ARL14EP: variants seen among roughly 807,000 people sequenced by gnomAD.
ARL14EP encodes the protein ARF like GTPase 14 effector protein, also known as ARL14 effector protein.
In ARL14EP, 12 loss-of-function variants were observed where a neutral mutation model predicts 23.1. That is an observed-to-expected ratio of 0.52 (90% CI 0.33 to 0.84). The LOEUF (loss-of-function observed/expected upper bound fraction) is 0.84, where lower values mean the gene tolerates loss of function less well. Among genes scored for constraint, ARL14EP ranks in the 40% least tolerant of loss-of-function variants. ARL14EP has a pLI of 0.02. For missense variants in ARL14EP, 253 were observed against 307.3 expected (o/e 0.82, Z 1.32); for synonymous variants, 97 against 102.0 (o/e 0.95, Z 0.29).
At chr11:30,326,688 G>A (rs1266614200) in intron 1 of ARL14EP, among the ~76,000 whole-genome samples, 2 of 152,182 alleles carry the variant, frequency 1.3e-5, no homozygotes, top group African/African-American at 4.8e-5. Flanking sequence ...CTTAGGATCA[G>A]TGTCTGAAAT....
Position 30,337,245 on chromosome 11 carries a change from A to G in ARL14EP, c.*450A>G, listed in dbSNP as rs1225211959. The G allele has an allele frequency of 5.1e-6, 1 of 197,262 alleles. No homozygotes were observed. The highest frequency in any genetic ancestry group is 1.0e-5 in the Non-Finnish European group (1 of 95,552). 12.2% of individuals were successfully genotyped at this position (197,262 alleles called of 1,614,324 possible). The stretch of plus-strand genomic sequence containing the variant: ...CTTCAGTCTACAAATCGCTATGTAA[A>G]TAACAGATATGCTTCATGATTGTGA... On this transcript the variant is annotated 3_prime_UTR_variant, in exon 4 of 4. Coordinates refer to ENST00000282032, the MANE Select transcript of ARL14EP (RefSeq NM_152316.3).
chr11:30,336,898 A>T lies in ARL14EP; in HGVS notation c.*103A>T, dbSNP rs1947337592. 9.8e-6 allele frequency: 11 copies of T among 1,125,014 alleles called. No homozygotes were observed. The highest frequency in any genetic ancestry group is 1.4e-5 in the Non-Finnish European group (11 of 764,908). 69.7% of individuals were successfully genotyped at this position (1,125,014 alleles called of 1,614,324 possible). A position where few individuals can be genotyped will look rare whatever the true frequency, so the allele number is the denominator to read the frequency against. ...GATTATCATATGACAAAGATTTTAA[A>T]ACCATCTCAGTGTGCCCTAATTTTT... On this transcript the variant is annotated 3_prime_UTR_variant, in exon 4 of 4. Transcript: ENST00000282032.
At chr11:30,332,310 A>G (rs1480873863) in intron 2 of ARL14EP, among the ~76,000 whole-genome samples, 2 of 151,008 alleles carry the variant, frequency 1.3e-5, no homozygotes, top group Admixed American at 1.3e-4. Flanking sequence ...GTGTCATTGT[A>G]GATGTCTTCA....
rs1312584677 is a variant in ARL14EP at position 30,331,373 on chromosome 11, A to G, written c.425A>G (p.Asp142Gly). 6.2e-7 allele frequency: 1 copy of G among 1,613,896 alleles called. No individual in the cohort carries two copies. Among genetic ancestry groups the G allele is most frequent in the East Asian group, 2.2e-5 (1 of 44,870 alleles). The change falls in exon 2 of 4, where the codon GAT becomes GGT. Residue 142 changes from aspartate to glycine, a missense_variant and splice_region_variant. By Grantham distance (94) the Asp-to-Gly change is moderately conservative. Transcript: ENST00000282032. Reference sequence around the variant, plus strand: ...CGCCAGAAAAGGAAACCTGAGTCAGATGTATGTGTAATAGTCATTTTTTTC... The same window carrying G: ...CGCCAGAAAAGGAAACCTGAGTCAGGTGTATGTGTAATAGTCATTTTTTTC... ...EDRQKRKPES[D>G]GRTAKALRSL... is the part of the protein sequence containing the mutation.
chr11:30,328,569 A>G (rs1319740671), intron 1 of ARL14EP: 1 of 152,222 alleles, frequency 6.6e-6, no homozygotes, highest in Non-Finnish European at 1.5e-5. Context: ...CCAGCTTTAA[A>G]ACTTTTTTCA....
intron 1 of ARL14EP, among the ~76,000 whole-genome samples, chr11:30,324,927 CTAAAG>C (rs1344357248): frequency 2.0e-5 from 3 of 152,124 alleles, no homozygotes; most frequent in Admixed American, 6.5e-5. Flanking sequence ...TATTTAGGCA[CTAAAG>C]TAAAGTGATG....
intron 3 of ARL14EP, among the ~76,000 whole-genome samples, chr11:30,334,586 A>G (rs959464561): frequency 1.3e-5 from 2 of 152,140 alleles, no homozygotes; most frequent in Admixed American, 6.5e-5. Context: ...CCTGGCTTCA[A>G]ATCTTCAAAG....
intron 2 of ARL14EP, chr11:30,331,669 G>A: frequency 1.7e-6 from 2 of 1,206,402 alleles, no homozygotes; most frequent in Non-Finnish European, 2.1e-6. Context: ...GGCCAAGCCA[G>A]GATTTAGTTT....
In ARL14EP at chr11:30,336,809, A is replaced by G. The variant is rs1479835481; in HGVS notation, c.*14A>G. ...CATGCTGGATAATCTGCGGTACCAA[A>G]CTATGGAGCCTTTAAAGGTCTTTAT... On this transcript the variant is annotated 3_prime_UTR_variant, in exon 4 of 4. Coordinates refer to ENST00000282032, the MANE Select transcript of ARL14EP (RefSeq NM_152316.3). 1 of 1,599,036 alleles carries G rather than the reference A, an allele frequency of 6.3e-7. No homozygotes were observed. Among genetic ancestry groups the G allele is most frequent in the East Asian group, 2.2e-5 (1 of 44,808 alleles).
intron 2 of ARL14EP, 23 bp from the exon 3 acceptor site, chr11:30,332,843 A>T (rs776104834): frequency 6.2e-7 from 1 of 1,611,256 alleles, no homozygotes; most frequent in East Asian, 2.2e-5. Context: ...ATTTGAGTTG[A>T]TAATTTGTTT....
intron 2 of ARL14EP, 23 bp downstream of exon 2, chr11:30,331,397 T>C (rs1565009099): frequency 1.9e-6 from 3 of 1,613,484 alleles, no homozygotes; most frequent in Non-Finnish European, 8.5e-7. Context: ...GTCATTTTTT[T>C]CTACATTGTG....
At chr11:30,324,197 T>G (rs561972649) in intron 1 of ARL14EP, among the ~76,000 whole-genome samples, 196 of 152,316 alleles carry the variant, frequency 1.3e-3, no homozygotes, top group African/African-American at 4.6e-3. Context: ...AAATAAGAGA[T>G]AATCTGGGAA....
Position 30,324,877 on chromosome 11 carries a change from A to G in ARL14EP, c.-64+1675A>G, listed in dbSNP as rs187340528. 1.1e-3 allele frequency among the ~76,000 whole-genome samples: 160 copies of G among 152,332 alleles called. 1 individual carries two copies. The highest frequency in any genetic ancestry group is 3.4e-3 in the Middle Eastern group (1 of 294). On this transcript the variant is annotated intron_variant, in intron 1 of 3. Transcript: ENST00000282032. Reference sequence around the variant, plus strand: ...TCTTTTGATTCTTAGGTAGTGCTACAAAAATATTAAATGTTAATCTTAGAA... The same window carrying G: ...TCTTTTGATTCTTAGGTAGTGCTACGAAAATATTAAATGTTAATCTTAGAA...
intron 3 of ARL14EP, 126 bp from the exon 4 acceptor site, chr11:30,336,441 T>C (rs776988127): frequency 1.3e-4 from 112 of 833,014 alleles, no homozygotes; most frequent in Non-Finnish European, 2.0e-4. Context: ...GCCTGATAAA[T>C]TATAGATGAT....
At chr11:30,335,156 A>T (rs1029386401) in intron 3 of ARL14EP, among the ~76,000 whole-genome samples, 2 of 152,218 alleles carry the variant, frequency 1.3e-5, no homozygotes, top group African/African-American at 4.8e-5. Flanking sequence ...GTAGTTGCAG[A>T]CGTGGTGGAA....
chr11:30,327,988 T>C (rs889633807), intron 1 of ARL14EP: 25 of 151,736 alleles, frequency 1.6e-4, no homozygotes, highest in African/African-American at 5.3e-4. Context: ...AAAATATATA[T>C]AAAAAATAAG....
chr11:30,323,351 G>C (rs929204591), intron 1 of ARL14EP, 149 bp downstream of exon 1: 1 of 152,556 alleles, frequency 6.6e-6, no homozygotes, highest in Non-Finnish European at 1.5e-5. Flanking sequence ...CCAGCTGCTG[G>C]CCGGGGCCTC....
At chr11:30,336,028 A>C (rs1317490247) in intron 3 of ARL14EP, among the ~76,000 whole-genome samples, 1 of 152,212 alleles carries the variant, frequency 6.6e-6, no homozygotes, top group Non-Finnish European at 1.5e-5. Flanking sequence ...ACAAATGTTA[A>C]TATAATCATT....
chr11:30,330,886 G>A lies in ARL14EP; in HGVS notation c.-63G>A. 2.0e-6 allele frequency: 3 copies of A among 1,484,036 alleles called. No individual in the cohort carries two copies. The highest frequency in any genetic ancestry group is 1.9e-6 in the Non-Finnish European group (2 of 1,068,184). The allele number at this position is 1,484,036 out of a possible 1,614,324, so 91.9% of individuals were successfully genotyped here. A position where few individuals can be genotyped will look rare whatever the true frequency, so the allele number is the denominator to read the frequency against. ...TGATTCTCTTTAATATTTTCTCTAG[G>A]GTGATCAGCCCATGACCTAAACCTC... On this transcript the variant is annotated splice_region_variant and 5_prime_UTR_variant, in exon 2 of 4. Transcript: ENST00000282032.
Sources: gnomAD v4.1 joint callset for allele counts (sites outside exome capture counted in the v4.1 genomes callset) on GRCh38, gnomAD v4.1.1 for gene constraint, MANE v1.5 for transcripts, NCBI Gene and HGNC (gene_info 2026-07-23, HGNC 2026-07-21) for gene names.